Variants in CHST8 observed in about 807,000 individuals in gnomAD.
CHST8 encodes carbohydrate sulfotransferase 8.
A neutral mutation model predicts 15.0 loss-of-function variants in CHST8; 10 were observed. The ratio of observed to expected loss-of-function variants is 0.67; its 90% CI spans 0.41 to 1.13. The LOEUF (loss-of-function observed/expected upper bound fraction) is 1.13, where lower values mean the gene tolerates loss of function less well. Ranked by LOEUF, CHST8 falls within the 50% of genes most tolerant of loss-of-function variation. The pLI, the probability that CHST8 is intolerant of heterozygous loss-of-function variation, is 0.00. For synonymous variants in CHST8, 259 were observed against 256.6 expected, an observed-to-expected ratio of 1.01 and a Z score of -0.09; for missense variants, 634 against 608.2, an observed-to-expected ratio of 1.04 and a Z score of -0.45.
In CHST8 at chr19:33,772,936, C is replaced by T. The variant is rs767770452; in HGVS notation, c.1148C>T (p.Thr383Ile). ...FKDRHSQEAR[T>I]TARIAHQYFA... Reference sequence around the variant, plus strand: ...GACCGGCACTCGCAGGAGGCGCGGACCACAGCGAGGATCGCCCACCAGTAC... The same window carrying T: ...GACCGGCACTCGCAGGAGGCGCGGATCACAGCGAGGATCGCCCACCAGTAC... The change falls in exon 5 of 5, where the codon ACC becomes ATC. Residue 383 changes from threonine (T) to isoleucine (I), a missense_variant. Coordinates refer to ENST00000650847, the MANE Select transcript of CHST8 (RefSeq NM_001127895.2). 1 of 1,613,492 alleles carries T rather than the reference C, an allele frequency of 6.2e-7. No homozygotes were observed. The highest frequency in any genetic ancestry group is 2.2e-5 in the East Asian group (1 of 44,882).
chr19:33,654,602 G>T (rs924283580), intron 1 of CHST8, among the ~76,000 whole-genome samples: 1 of 151,870 alleles, frequency 6.6e-6, no homozygotes, highest in African/African-American at 2.4e-5. Flanking sequence ...CTCCATATTG[G>T]TCATGTAAAT....
At chr19:33,622,708 G>A (rs1166338924) in intron 1 of CHST8, among the ~76,000 whole-genome samples, 3 of 152,116 alleles carry the variant, frequency 2.0e-5, no homozygotes, top group South Asian at 2.1e-4. Flanking sequence ...GGGCTTCCTG[G>A]CGCGCTCGGA....
chr19:33,630,038 C>T (rs1315797988), intron 1 of CHST8, among the ~76,000 whole-genome samples: 3 of 126,352 alleles, frequency 2.4e-5, no homozygotes, highest in Non-Finnish European at 5.3e-5. Context: ...CAAGTCGTCC[C>T]CACCTTCGAG....
Position 33,658,035 on chromosome 19 carries a change from A to T in CHST8, c.-163-9732A>T, listed in dbSNP as rs114250680. Among the ~76,000 whole-genome samples, 1,054 of 152,272 alleles carry T rather than the reference A, an allele frequency of 6.9e-3. 12 individuals are homozygous for T. Among genetic ancestry groups the T allele is most frequent in the African/African-American group, 0.024 (995 of 41,548 alleles). On this transcript the variant is annotated intron_variant, in intron 1 of 4. Transcript: ENST00000650847. ...AATTTTTCCCACCTTAATACAAAAA[A>T]GTATCATTAATATTTACAGTAGGGC...
chr19:33,637,239 A>G (rs1013134349), intron 1 of CHST8, among the ~76,000 whole-genome samples: 2 of 151,936 alleles, frequency 1.3e-5, no homozygotes, highest in African/African-American at 2.4e-5. Flanking sequence ...CTGACCTCCT[A>G]TCTCATCCTG....
intron 3 of CHST8, among the ~76,000 whole-genome samples, chr19:33,691,735 C>G (rs1039459299): frequency 6.6e-6 from 1 of 152,226 alleles, no homozygotes; most frequent in African/African-American, 2.4e-5. Flanking sequence ...GCCCCAAGGG[C>G]CCTTGACAAT....
chr19:33,698,064 G>A (rs1016985488), intron 3 of CHST8, among the ~76,000 whole-genome samples: 1 of 152,120 alleles, frequency 6.6e-6, no homozygotes, highest in African/African-American at 2.4e-5. Context: ...ATCACCTGAG[G>A]TCAGGAGTTA....
intron 3 of CHST8, among the ~76,000 whole-genome samples, chr19:33,765,352 G>T (rs1974813127): frequency 6.6e-6 from 1 of 151,940 alleles, no homozygotes; most frequent in Non-Finnish European, 1.5e-5. Flanking sequence ...CTAGCCTTCG[G>T]AACTGTGAGA....
intron 1 of CHST8, among the ~76,000 whole-genome samples, chr19:33,642,559 C>T (rs566148457): frequency 1.5e-4 from 23 of 152,222 alleles, no homozygotes; most frequent in African/African-American, 5.5e-4. Flanking sequence ...GATGGGGTTT[C>T]ACCATGTTGG....
chr19:33,667,056 C>A (rs899494933), intron 1 of CHST8, among the ~76,000 whole-genome samples: 3 of 152,148 alleles, frequency 2.0e-5, no homozygotes, highest in Non-Finnish European at 4.4e-5. Flanking sequence ...TGATCACAGG[C>A]GTGTGTATGC....
In CHST8 at chr19:33,772,211, G is replaced by C; in HGVS notation, c.423G>C (p.Thr141=). ...DAPFIRPGPG[T]LDGRWVSLHR... The stretch of plus-strand genomic sequence containing the variant: ...CCTTCATCCGGCCGGGACCCGGGAC[G>C]CTGGATGGCCGCTGGGTCAGCCTGC... Residue 141 remains threonine, a synonymous_variant, in exon 5 of 5, where the codon ACG becomes ACC. Coordinates refer to ENST00000650847, the MANE Select transcript of CHST8 (RefSeq NM_001127895.2). 1 of 1,594,996 alleles carries C rather than the reference G, an allele frequency of 6.3e-7. No individual in the cohort carries two copies. Among genetic ancestry groups the C allele is most frequent in the Non-Finnish European group, 8.5e-7 (1 of 1,174,372 alleles).
intron 3 of CHST8, among the ~76,000 whole-genome samples, chr19:33,757,528 GAAAGAAAGAAAGAA>G (rs1974613855): frequency 1.3e-4 from 4 of 30,842 alleles, no homozygotes; most frequent in Non-Finnish European, 2.0e-4. Flanking sequence ...GAAAGAGAAA[GAAAGAAAGAAAGAA>G]AGAAAGAAAG....
chr19:33,694,919 T>C (rs1247665308), intron 3 of CHST8, among the ~76,000 whole-genome samples: 4 of 142,022 alleles, frequency 2.8e-5, no homozygotes, highest in African/African-American at 5.1e-5. Flanking sequence ...TTCCCTTCCC[T>C]CCCTTCCCCT....
chr19:33,721,502 ATGGATGGATGGATGGG>A lies in CHST8; in HGVS notation c.130+32125_130+32140del, dbSNP rs559161795. 3.0e-4 allele frequency among the ~76,000 whole-genome samples: 46 copies of A among 151,904 alleles called. 1 individual carries two copies. The South Asian group carries it at 8.6e-3, about 28-fold the overall frequency. ...GGATGCATGGATGGTGAGTGGGAAG[ATGGATGGATGGATGGG>A]TGGATGGATGGATAGATAGGTGGAT... On this transcript the variant is annotated intron_variant, in intron 3 of 4. Transcript: ENST00000650847.
chr19:33,683,760 G>A (rs1972929224), intron 2 of CHST8, among the ~76,000 whole-genome samples: 4 of 152,166 alleles, frequency 2.6e-5, no homozygotes, highest in African/African-American at 7.2e-5. Flanking sequence ...GAGAGGCCTC[G>A]ATGCGATTCC....
intron 1 of CHST8, among the ~76,000 whole-genome samples, chr19:33,663,669 G>A (rs1007197201): frequency 3.3e-5 from 5 of 152,126 alleles, no homozygotes; most frequent in African/African-American, 7.2e-5. Context: ...CCAGGAGTTC[G>A]AGACCATCCT....
At chr19:33,684,847 C>G (rs908078702) in intron 2 of CHST8, 2 of 152,090 alleles carry the variant, frequency 1.3e-5, no homozygotes, top group African/African-American at 4.8e-5. Flanking sequence ...GGCACGGTGC[C>G]GGATTCAAGG....
chr19:33,762,114 G>A (rs1440053902), intron 3 of CHST8, among the ~76,000 whole-genome samples: 2 of 152,232 alleles, frequency 1.3e-5, no homozygotes, highest in Non-Finnish European at 2.9e-5. Flanking sequence ...ATGCACATGT[G>A]TAAGGGGTGA....
intron 2 of CHST8, among the ~76,000 whole-genome samples, chr19:33,688,589 T>C (rs188256841): frequency 3.3e-5 from 5 of 152,074 alleles, no homozygotes; most frequent in African/African-American, 9.7e-5. Flanking sequence ...CATCTGTCAG[T>C]CCATCAGTGA....
Sources: allele counts gnomAD v4.1 joint callset (sites outside exome capture counted in the v4.1 genomes callset), GRCh38; gene constraint gnomAD v4.1.1; transcripts MANE v1.5; gene names NCBI Gene and HGNC (gene_info 2026-07-23, HGNC 2026-07-21).